Variants in FAM124A observed in about 807,000 individuals in gnomAD.
FAM124A encodes the protein family with sequence similarity 124 member A, also known as protein FAM124A.
FAM124A carries 23 observed loss-of-function variants against 24.5 expected under a neutral mutation model. The ratio of observed to expected loss-of-function variants is 0.94; its 90% confidence interval spans 0.68 to 1.33. The LOEUF is 1.33. Among genes scored for constraint, FAM124A ranks in the 40% most tolerant of loss-of-function variants. FAM124A has a pLI of 0.00. For missense variants in FAM124A, 623 were observed against 722.8 expected (o/e 0.86, Z 1.58); for synonymous variants, 287 against 314.7 (o/e 0.91, Z 0.93).
intron 3 of FAM124A, among the ~76,000 whole-genome samples, chr13:51,265,568 A>C (rs918614509): frequency 6.6e-6 from 1 of 152,222 alleles, no homozygotes; most frequent in South Asian, 2.1e-4. Context: ...AGTCAAGGCC[A>C]CATGGTTATG....
In FAM124A at chr13:51,281,201, C is replaced by T. The variant is rs1459410020; in HGVS notation, c.1586C>T (p.Pro529Leu). ...KVKQTDGDMP[P>L]PPGSAGPGDN... is the part of the protein sequence containing the mutation. ...AAGCAGACTGATGGAGACATGCCAC[C>T]ACCCCCAGGGTCGGCTGGCCCCGGG... Residue 529 changes from proline (P) to leucine (L), a missense_variant, in exon 4 of 4, where the codon CCA (proline) becomes CTA (leucine). Transcript: ENST00000322475. 2 of 1,609,618 alleles carry T rather than the reference C, an allele frequency of 1.2e-6. No individual in the cohort carries two copies. Among genetic ancestry groups the T allele is most frequent in the East Asian group, 4.5e-5 (2 of 44,830 alleles).
At position 51,277,042 on chromosome 13, in the gene FAM124A, A is replaced by G. The variant is rs191511047; in HGVS notation, c.835-3408A>G. On this transcript the variant is annotated intron_variant, in intron 3 of 3. Coordinates refer to ENST00000322475, the MANE Select transcript of FAM124A (RefSeq NM_001242312.2). ...ATAGCTGCACTCGTATGTTTATCAC[A>G]GCACTGTCCACAGTAGCAAAGATAT... 1.7e-3 allele frequency among the ~76,000 whole-genome samples: 252 copies of G among 152,328 alleles called. 1 individual carries two copies. The highest frequency in any genetic ancestry group is 5.9e-3 in the African/African-American group (246 of 41,570).
At chr13:51,263,676 T>C (rs1278258510) in intron 3 of FAM124A, among the ~76,000 whole-genome samples, 4 of 152,242 alleles carry the variant, frequency 2.6e-5, no homozygotes, top group African/African-American at 9.6e-5. Context: ...TGTTTCTGCT[T>C]ATTGGGAATT....
Position 51,252,075 on chromosome 13 carries a change from C to T in FAM124A, c.708C>T (p.Ser236=), listed in dbSNP as rs1172361711. 2.8e-5 allele frequency: 46 copies of T among 1,614,168 alleles called. No homozygotes were observed. The highest frequency in any genetic ancestry group is 3.8e-5 in the Non-Finnish European group (45 of 1,180,044). The change falls in exon 3 of 4, where the codon TCC becomes TCT. Residue 236 remains serine, a synonymous_variant. Transcript: ENST00000322475. The part of the protein sequence containing the change: ...PCDQCPVPTD[S]SVLEFRVRDI... ...ACCAGTGCCCGGTGCCCACCGACTC[C>T]TCCGTGCTGGAGTTCCGAGTGAGGG...
Position 51,278,299 on chromosome 13 carries a change from C to A in FAM124A, c.835-2151C>A, listed in dbSNP as rs1204973657. On this transcript the variant is annotated intron_variant, in intron 3 of 3. Transcript: ENST00000322475. ...TGGAAACATCTAAAGTAACTCCCTCCCAGCCTCTAGTGTTTCTGGTCAGCA... is the reference window on the plus strand; with the variant it reads ...TGGAAACATCTAAAGTAACTCCCTCACAGCCTCTAGTGTTTCTGGTCAGCA... Among the ~76,000 whole-genome samples, 3 of 152,210 alleles carry A rather than the reference C, an allele frequency of 2.0e-5. No individual in the cohort carries two copies. The East Asian group carries it at 5.8e-4, about 29-fold the overall frequency.
chr13:51,227,526 C>T (rs1007124881), intron 1 of FAM124A: 1 of 152,226 alleles, frequency 6.6e-6, no homozygotes, highest in Non-Finnish European at 1.5e-5. Context: ...TGAAAGATGC[C>T]TTGTGCTTTT....
chr13:51,266,357 T>C (rs2137698412), intron 3 of FAM124A, among the ~76,000 whole-genome samples: 1 of 152,332 alleles, frequency 6.6e-6, no homozygotes, highest in South Asian at 2.1e-4. Flanking sequence ...AAACCACCTT[T>C]GTAAAATAAA....
intron 3 of FAM124A, among the ~76,000 whole-genome samples, chr13:51,255,622 G>T (rs112189701): frequency 8.5e-5 from 13 of 152,286 alleles, no homozygotes; most frequent in African/African-American, 3.1e-4. Flanking sequence ...TGGAAGCAAA[G>T]TCCCCCCAGC....
intron 3 of FAM124A, among the ~76,000 whole-genome samples, chr13:51,275,681 C>T (rs951006637): frequency 5.9e-5 from 9 of 152,186 alleles, no homozygotes; most frequent in African/African-American, 2.2e-4. Context: ...GATGAAATGC[C>T]ATTACCCACC....
chr13:51,275,543 A>G (rs1954878841), intron 3 of FAM124A, among the ~76,000 whole-genome samples: 1 of 152,250 alleles, frequency 6.6e-6, no homozygotes, highest in South Asian at 2.1e-4. Flanking sequence ...TATATCTAAG[A>G]AAGGTGTTAA....
At chr13:51,250,437 T>G (rs1458884520) in intron 2 of FAM124A, among the ~76,000 whole-genome samples, 12 of 152,230 alleles carry the variant, frequency 7.9e-5, no homozygotes, top group Non-Finnish European at 8.8e-5. Context: ...GAACCATCTT[T>G]TAAAAGAGCA....
intron 2 of FAM124A, among the ~76,000 whole-genome samples, chr13:51,233,386 T>A (rs933316114): frequency 6.6e-6 from 1 of 152,220 alleles, no homozygotes. Flanking sequence ...TTAAGGAATT[T>A]TCTCAGAGAC....
At chr13:51,249,940 G>A (rs1381358267) in intron 2 of FAM124A, among the ~76,000 whole-genome samples, 2 of 152,180 alleles carry the variant, frequency 1.3e-5, no homozygotes, top group African/African-American at 4.8e-5. Context: ...TAGTGCTTGG[G>A]CATACATAAT....
chr13:51,274,143 T>C (rs1298949214), intron 3 of FAM124A, among the ~76,000 whole-genome samples: 1 of 152,218 alleles, frequency 6.6e-6, no homozygotes, highest in Non-Finnish European at 1.5e-5. Context: ...ATACATCAGA[T>C]CAATATCCAT....
intron 3 of FAM124A, among the ~76,000 whole-genome samples, chr13:51,267,970 T>C (rs1954805298): frequency 1.3e-5 from 2 of 152,190 alleles, no homozygotes; most frequent in Admixed American, 6.5e-5. Context: ...GGCTCTTCCA[T>C]GTAAAGCTTG....
At chr13:51,250,218 G>A (rs1185270306) in intron 2 of FAM124A, among the ~76,000 whole-genome samples, 4 of 152,168 alleles carry the variant, frequency 2.6e-5, no homozygotes, top group Admixed American at 2.6e-4. Context: ...ACTTGATCAA[G>A]GTTATGATTC....
chr13:51,251,351 A>G lies in FAM124A; in HGVS notation c.101-117A>G. The G allele has an allele frequency of 7.7e-7, 1 of 1,295,038 alleles. No homozygotes were observed. Among genetic ancestry groups the G allele is most frequent in the Non-Finnish European group, 1.0e-6 (1 of 985,442 alleles). The allele number at this position is 1,295,038 out of a possible 1,614,324, so 80.2% of individuals were successfully genotyped here. The stretch of plus-strand genomic sequence containing the variant: ...TCAGAAAATCACAGGTCATGGAGTC[A>G]GTTCAGTTAGAATTTGACTTCTCTT... On this transcript the variant is annotated intron_variant, in intron 2 of 3. Transcript: ENST00000322475. The surrounding 1 kb of genome is among the most constrained non-coding windows in gnomAD (Gnocchi z 5.3).
At chr13:51,267,992 G>A (rs1954805628) in intron 3 of FAM124A, among the ~76,000 whole-genome samples, 1 of 152,240 alleles carries the variant, frequency 6.6e-6, no homozygotes, top group Admixed American at 6.5e-5. Flanking sequence ...GGAGTGGTCA[G>A]AAGCTGTGTT....
intron 2 of FAM124A, among the ~76,000 whole-genome samples, chr13:51,233,199 G>A (rs767996883): frequency 1.8e-4 from 28 of 152,108 alleles, no homozygotes; most frequent in Non-Finnish European, 3.4e-4. Context: ...CAGGTCTGGT[G>A]TAGAAGCTCC....
Sources: allele counts gnomAD v4.1 joint callset (sites outside exome capture counted in the v4.1 genomes callset), GRCh38; gene constraint gnomAD v4.1.1; non-coding constraint Gnocchi (gnomAD v3.1); transcripts MANE v1.5; gene names NCBI Gene and HGNC (gene_info 2026-07-23, HGNC 2026-07-21).